The following GMCL1 variants were observed in gnomAD, a reference collection of about 807,000 sequenced individuals.
GMCL1 encodes the protein germ cell-less 1, spermatogenesis associated.
Under a neutral mutation model 75.5 loss-of-function variants are expected in GMCL1, and 54 were observed. The observed-to-expected ratio is 0.71, with a 90% confidence interval of 0.57 to 0.90. The LOEUF is 0.90. GMCL1 is among the 40% of genes least tolerant of loss of function. The pLI is 0.00. For synonymous variants in GMCL1, 210 were observed against 209.6 expected, an observed-to-expected ratio of 1.00 and a Z score of -0.02; for missense variants, 537 against 622.7, an observed-to-expected ratio of 0.86 and a Z score of 1.47.
intron 9 of GMCL1, among the ~76,000 whole-genome samples, chr2:69,860,073 C>T (rs1675597745): frequency 6.6e-6 from 1 of 152,068 alleles, no homozygotes; most frequent in Non-Finnish European, 1.5e-5. Context: ...ATGTCCAGGG[C>T]TCGCTGCAGC....
chr2:69,858,112 T>C (rs773149190), intron 9 of GMCL1, among the ~76,000 whole-genome samples: 1 of 152,210 alleles, frequency 6.6e-6, no homozygotes, highest in Non-Finnish European at 1.5e-5. Flanking sequence ...AGATCACAGC[T>C]GCAGATCAGA....
chr2:69,859,758 A>AAAAAAAAAAAAAAAAAAAAAAAAAAAAAT (rs1675587886), intron 9 of GMCL1, among the ~76,000 whole-genome samples: 2 of 149,646 alleles, frequency 1.3e-5, no homozygotes, highest in Middle Eastern at 3.4e-3. Context: ...AAAAAAAAAA[A>AAAAAAAAAAAAAAAAAAAAAAAAAAAAAT]GTATATATGG....
intron 8 of GMCL1, among the ~76,000 whole-genome samples, chr2:69,851,028 G>T (rs1196871961): frequency 6.6e-6 from 1 of 152,146 alleles, no homozygotes; most frequent in African/African-American, 2.4e-5. Flanking sequence ...TTTAATGTCA[G>T]ATTTGTCTTT....
intron 9 of GMCL1, among the ~76,000 whole-genome samples, chr2:69,858,737 T>C (rs1234351810): frequency 6.6e-6 from 1 of 152,240 alleles, no homozygotes; most frequent in African/African-American, 2.4e-5. Context: ...TTTGACTTTT[T>C]ATTCTTTTGG....
At chr2:69,871,903 G>C in intron 13 of GMCL1, 71 bp downstream of exon 13, 1 of 997,512 alleles carries the variant, frequency 1.0e-6, no homozygotes, top group South Asian at 1.5e-5. Context: ...AAATTCTTAA[G>C]TAGAATTAAC....
chr2:69,844,430 G>T, intron 6 of GMCL1: 1 of 273,460 alleles, frequency 3.7e-6, no homozygotes, highest in Non-Finnish European at 6.9e-6. Context: ...ATGCATTACT[G>T]TTATAAGACT....
intron 9 of GMCL1, among the ~76,000 whole-genome samples, chr2:69,858,188 G>A (rs1309794223): frequency 1.3e-5 from 2 of 152,100 alleles, no homozygotes; most frequent in Non-Finnish European, 2.9e-5. Context: ...CTGGGGAGGG[G>A]CAGGTGGGTA....
Position 69,869,811 on chromosome 2 carries a change from T to C in GMCL1, c.1311T>C (p.Asn437=). The part of the protein sequence containing the change: ...RYIIFKRNTL[N]QPCSGSVSLQ... ...TCATTTTCAAACGCAATACACTGAATCAGCCATGTAGCGGATCTGTCAGTT... is the reference window on the plus strand; with the variant it reads ...TCATTTTCAAACGCAATACACTGAACCAGCCATGTAGCGGATCTGTCAGTT... Residue 437 remains asparagine (N), a synonymous_variant, in exon 12 of 14, where the codon AAT becomes AAC. Transcript: ENST00000282570. 6.2e-7 allele frequency: 1 copy of C among 1,614,050 alleles called. No individual in the cohort carries two copies. Among genetic ancestry groups the C allele is most frequent in the Non-Finnish European group, 8.5e-7 (1 of 1,180,000 alleles).
intron 6 of GMCL1, among the ~76,000 whole-genome samples, chr2:69,846,808 G>A (rs1352916298): frequency 6.6e-6 from 1 of 151,678 alleles, no homozygotes; most frequent in African/African-American, 2.4e-5. Context: ...TTACTTTGAC[G>A]ATATAGCTGT....
At position 69,878,940 on chromosome 2, in the gene GMCL1, T is replaced by C; in HGVS notation, c.1484T>C (p.Leu495Pro). Reference protein sequence around the residue: ...EQVVMNLDSRLLIFPLYICCN... With the variant: ...EQVVMNLDSRPLIFPLYICCN... ...GTGGTGATGAACTTGGACAGCAGGC[T>C]TCTGATCTTCCCTTTATATATCTGC... is the stretch of plus-strand genomic sequence containing the variant. The change falls in exon 14 of 14, where the codon CTT (leucine) becomes CCT (proline). Residue 495 changes from leucine (L) to proline (P), a missense_variant. Leu to Pro is a moderately conservative substitution (Grantham distance 98, BLOSUM62 -3). Around this residue, in one of 3 missense-constraint regions of GMCL1, gnomAD observed 345 missense variants for 410.5 expected, o/e 0.84. Coordinates refer to ENST00000282570, the MANE Select transcript of GMCL1 (RefSeq NM_178439.5). 6.2e-7 allele frequency: 1 copy of C among 1,610,378 alleles called. No individual in the cohort carries two copies. Among genetic ancestry groups the C allele is most frequent in the Non-Finnish European group, 8.5e-7 (1 of 1,176,706 alleles).
At chr2:69,875,339 T>C (rs1047994152) in intron 13 of GMCL1, among the ~76,000 whole-genome samples, 1 of 152,240 alleles carries the variant, frequency 6.6e-6, no homozygotes, top group African/African-American at 2.4e-5. Context: ...TTCTTTGTTA[T>C]GAAGACAAGG....
intron 5 of GMCL1, among the ~76,000 whole-genome samples, chr2:69,843,679 A>G (rs1307149825): frequency 2.6e-5 from 4 of 152,168 alleles, no homozygotes; most frequent in East Asian, 1.9e-4. Flanking sequence ...GGTCCCCACT[A>G]TTCTGGAGGC....
At chr2:69,842,366 T>G (rs965921255) in intron 4 of GMCL1, among the ~76,000 whole-genome samples, 1 of 152,232 alleles carries the variant, frequency 6.6e-6, no homozygotes, top group Non-Finnish European at 1.5e-5. Flanking sequence ...ATTTGAAGTA[T>G]TAATAGCTTG....
intron 1 of GMCL1, among the ~76,000 whole-genome samples, chr2:69,832,506 C>T (rs1674703329): frequency 6.6e-6 from 1 of 152,174 alleles, no homozygotes; most frequent in Non-Finnish European, 1.5e-5. Context: ...TTAGGGGGTA[C>T]AGCTGCAGGT....
At chr2:69,866,838 G>A (rs1675831318) in intron 11 of GMCL1, among the ~76,000 whole-genome samples, 1 of 152,096 alleles carries the variant, frequency 6.6e-6, no homozygotes, top group Non-Finnish European at 1.5e-5. Context: ...ATTCTTCCTT[G>A]TTGCTGCTTT....
chr2:69,843,149 G>T lies in GMCL1; in HGVS notation c.580G>T (p.Asp194Tyr), dbSNP rs1675033985. ...ILAAACLLQL[D>Y]GLIQQCGETM... ...TTCCAGTGCTTATTTATATTTACAG[G>T]ACGGTTTAATACAGCAGTGTGGTGA... is the stretch of plus-strand genomic sequence containing the variant. Residue 194 changes from aspartate to tyrosine, a missense_variant and splice_region_variant, in exon 5 of 14, where the codon GAC becomes TAC. Coordinates refer to ENST00000282570, the MANE Select transcript of GMCL1 (RefSeq NM_178439.5). The T allele has an allele frequency of 1.9e-6, 3 of 1,590,508 alleles. No individual in the cohort carries two copies. Among genetic ancestry groups the T allele is most frequent in the Non-Finnish European group, 2.6e-6 (3 of 1,160,100 alleles).
intron 13 of GMCL1, among the ~76,000 whole-genome samples, chr2:69,878,172 C>A (rs1676177059): frequency 6.6e-6 from 1 of 152,136 alleles, no homozygotes; most frequent in Admixed American, 6.5e-5. Context: ...TGTAACTGAA[C>A]CTGAAATTGC....
intron 3 of GMCL1, among the ~76,000 whole-genome samples, chr2:69,840,366 C>T (rs1271213841): frequency 3.3e-5 from 5 of 151,470 alleles, no homozygotes; most frequent in East Asian, 1.9e-4. Flanking sequence ...GCCGAGATCG[C>T]GCCACTGCAC....
chr2:69,878,332 A>G (rs1235912649), intron 13 of GMCL1, among the ~76,000 whole-genome samples: 1 of 152,156 alleles, frequency 6.6e-6, no homozygotes, highest in African/African-American at 2.4e-5. Flanking sequence ...CCCAACGGCC[A>G]TCAGTAATTG....
Sources: allele counts gnomAD v4.1 joint callset (sites outside exome capture counted in the v4.1 genomes callset), GRCh38; gene constraint gnomAD v4.1.1; regional missense constraint gnomAD v4.1.1; transcripts MANE v1.5; gene names NCBI Gene and HGNC (gene_info 2026-07-23, HGNC 2026-07-21).